The following LRRIQ4 variants were observed in gnomAD, a reference collection of about 807,000 sequenced individuals.
LRRIQ4 encodes leucine-rich repeat and IQ domain-containing protein 4.
In LRRIQ4, 21 loss-of-function variants were observed where a neutral mutation model predicts 40.1. The ratio of observed to expected loss-of-function variants is 0.52; its 90% CI spans 0.37 to 0.75. The LOEUF is 0.75. LRRIQ4 is among the 30% of genes least tolerant of loss of function. The pLI is 0.00. For missense variants in LRRIQ4, 655 were observed against 660.0 expected, an observed-to-expected ratio of 0.99 and a Z score of 0.08; for synonymous variants, 277 against 277.1, an observed-to-expected ratio of 1.00 and a Z score of 0.00.
At chr3:169,821,642 AAAAT>A (rs142263487) in intron 1 of LRRIQ4, among the ~76,000 whole-genome samples, 2,323 of 152,102 alleles carry the variant, frequency 0.015, 62 homozygotes, top group African/African-American at 0.053. Flanking sequence ...CTCCGTCTCA[AAAAT>A]AAATAAATAA....
intron 1 of LRRIQ4, among the ~76,000 whole-genome samples, chr3:169,821,015 C>T (rs1420770475): frequency 6.6e-6 from 1 of 152,200 alleles, no homozygotes; most frequent in Non-Finnish European, 1.5e-5. Flanking sequence ...CCCAGAAGTT[C>T]CTTTGCCTGT....
rs201862263 is a variant in LRRIQ4, at chr3:169,837,624, A to G, written c.1676A>G (p.Lys559Arg). 210 of 1,573,230 alleles carry G rather than the reference A, an allele frequency of 1.3e-4. No homozygotes were observed. In the African/African-American group the frequency reaches 2.2e-3, roughly 16 times the overall value. ...AAAGGAAAACCAGGAAAGGGAAAAA[A>G]GAAATAATCCTGTAAATTGATAAAT... ...DVKGKPGKGK[K>R]K The change falls in exon 6 of 6, where the codon AAG becomes AGG. Residue 559 changes from lysine (K) to arginine (R), a missense_variant. Lys to Arg is a conservative substitution (Grantham distance 26). Transcript: ENST00000340806.
At position 169,830,506 on chromosome 3, in the gene LRRIQ4, A is replaced by G; in HGVS notation, c.1209A>G (p.Leu403=). 6.2e-7 allele frequency: 1 copy of G among 1,600,624 alleles called. No homozygotes were observed. Among genetic ancestry groups the G allele is most frequent in the South Asian group, 1.1e-5 (1 of 89,154 alleles). ...HIRKLQSLKE[L]YIENNHLEYL... ...TGTTATTTCAGAGTCTCAAAGAGCT[A>G]TATATAGAGAACAATCATCTGGAGT... is the stretch of plus-strand genomic sequence containing the variant. Residue 403 remains leucine, a synonymous_variant, in exon 4 of 6, where the codon CTA becomes CTG. Coordinates refer to ENST00000340806, the MANE Select transcript of LRRIQ4 (RefSeq NM_001080460.3).
At position 169,822,626 on chromosome 3, in the gene LRRIQ4, A is replaced by G. The variant is rs201878743; in HGVS notation, c.705A>G (p.Gln235=). The part of the protein sequence containing the change: ...VLPASLCQCS[Q]LSVLDLSHNL... ...CCGCGTCCTTGTGCCAGTGTAGCCA[A>G]CTGTCGGTGCTCGATTTATCCCACA... Residue 235 remains glutamine (Q), a synonymous_variant, in exon 2 of 6, where the codon CAA becomes CAG. Transcript: ENST00000340806. 8 of 1,613,968 alleles carry G rather than the reference A, an allele frequency of 5.0e-6. No individual in the cohort carries two copies. Among genetic ancestry groups the G allele is most frequent in the East Asian group, 2.2e-5 (1 of 44,880 alleles).
intron 2 of LRRIQ4, among the ~76,000 whole-genome samples, chr3:169,824,662 G>A (rs1225095808): frequency 1.3e-5 from 2 of 151,920 alleles, no homozygotes; most frequent in East Asian, 1.9e-4. Context: ...ACAGGTGTGC[G>A]CCATCACACC....
In LRRIQ4 at chr3:169,831,440, ATTTTTTTTTTTTTTTTTTTTTTTTTTTT is replaced by A. The variant is rs750864248; in HGVS notation, c.1333+826_1333+853del. ...AGGCGCCCGCCACCACGCCCGGCTAATTTTTTTTTTTTTTTTTTTTTTTTTTTTTTTTTTTTTTTTTTTAGTAGAGACG... is the reference window on the plus strand; with the variant it reads ...AGGCGCCCGCCACCACGCCCGGCTAATTTTTTTTTTTTTTTAGTAGAGACG... On this transcript the variant is annotated intron_variant, in intron 4 of 5. Transcript: ENST00000340806. Among the ~76,000 whole-genome samples the A allele has an allele frequency of 1.8e-3, 54 of 29,432 alleles. 1 individual carries two copies. The Admixed American group carries it at 0.019, about 10-fold the overall frequency. 19.3% of individuals were successfully genotyped at this position (29,432 alleles called of 152,430 possible).
At position 169,821,509 on chromosome 3, in the gene LRRIQ4, C is replaced by T. The variant is rs559924286; in HGVS notation, c.-31-382C>T. Among the ~76,000 whole-genome samples the T allele has an allele frequency of 2.6e-4, 39 of 152,126 alleles. No homozygotes were observed. In the South Asian group the frequency reaches 8.1e-3, roughly 32 times the overall value. On this transcript the variant is annotated intron_variant, in intron 1 of 5. Coordinates refer to ENST00000340806, the MANE Select transcript of LRRIQ4 (RefSeq NM_001080460.3). The stretch of plus-strand genomic sequence containing the variant: ...ATTTAGCTGGGCATGGTGGTGGGTG[C>T]CTGTAATCCCAGCTACTCGGGAGGC...
chr3:169,814,720 A>G (rs958478110), intron 1 of LRRIQ4, among the ~76,000 whole-genome samples: 2 of 152,126 alleles, frequency 1.3e-5, no homozygotes, highest in South Asian at 4.1e-4. Context: ...CCTGACCTCA[A>G]GTGATCTACC....
chr3:169,830,765 G>A, intron 4 of LRRIQ4, 135 bp downstream of exon 4: 12 of 1,097,702 alleles, frequency 1.1e-5, no homozygotes, highest in Non-Finnish European at 1.5e-5. Context: ...TTCCTTGCAG[G>A]GCTCACTTAG....
intron 4 of LRRIQ4, 115 bp downstream of exon 4, chr3:169,830,745 A>C: frequency 7.8e-7 from 1 of 1,276,316 alleles, no homozygotes. Flanking sequence ...AACTGAGTCT[A>C]TCCCATTACT....
intron 5 of LRRIQ4, among the ~76,000 whole-genome samples, chr3:169,834,582 C>G (rs959037396): frequency 6.6e-6 from 1 of 152,106 alleles, no homozygotes; most frequent in African/African-American, 2.4e-5. Context: ...TAAAATAGAG[C>G]TGTTAGATCA....
intron 2 of LRRIQ4, among the ~76,000 whole-genome samples, chr3:169,825,133 G>A (rs550803033): frequency 2.7e-5 from 4 of 150,504 alleles, no homozygotes; most frequent in Non-Finnish European, 4.4e-5. Flanking sequence ...TCAGCCTCCC[G>A]AGTAGCTGGG....
chr3:169,817,405 T>C (rs1377431671), intron 1 of LRRIQ4, among the ~76,000 whole-genome samples: 1 of 152,266 alleles, frequency 6.6e-6, no homozygotes, highest in Non-Finnish European at 1.5e-5. Context: ...ATGTGTATTC[T>C]GCAGCTGTTG....
intron 4 of LRRIQ4, among the ~76,000 whole-genome samples, chr3:169,832,016 G>T (rs1004973835): frequency 7.9e-5 from 12 of 151,738 alleles, no homozygotes; most frequent in Non-Finnish European, 1.3e-4. Flanking sequence ...ATGGAGACAA[G>T]GGGTTGTATG....
chr3:169,832,447 G>A (rs1210493053), intron 4 of LRRIQ4, among the ~76,000 whole-genome samples: 2 of 148,762 alleles, frequency 1.3e-5, no homozygotes, highest in Admixed American at 6.7e-5. Context: ...CAGCCTCGGT[G>A]ACAGAGCTAG....
chr3:169,837,591 A>G lies in LRRIQ4; in HGVS notation c.1643A>G (p.Lys548Arg). ...KTSPKDKKGK[K>R]DVKGKPGKGK... ...TCTCCAAAAGATAAGAAAGGAAAGA[A>G]GGATGTAAAAGGAAAACCAGGAAAG... The change falls in exon 6 of 6, where the codon AAG becomes AGG. Residue 548 changes from lysine (K) to arginine (R), a missense_variant. Transcript: ENST00000340806. 2 of 1,590,364 alleles carry G rather than the reference A, an allele frequency of 1.3e-6. No homozygotes were observed. The highest frequency in any genetic ancestry group is 1.7e-6 in the Non-Finnish European group (2 of 1,169,592).
At chr3:169,815,866 A>C (rs925656045) in intron 1 of LRRIQ4, among the ~76,000 whole-genome samples, 3 of 152,216 alleles carry the variant, frequency 2.0e-5, no homozygotes, top group African/African-American at 7.2e-5. Flanking sequence ...GAATTTTATC[A>C]CATGCTTTTT....
intron 2 of LRRIQ4, among the ~76,000 whole-genome samples, chr3:169,825,096 C>T (rs1450088234): frequency 4.0e-5 from 6 of 151,708 alleles, no homozygotes; most frequent in African/African-American, 1.5e-4. Context: ...CAACCTCCAC[C>T]TCCCAGGTTC....
At chr3:169,821,240 T>C (rs566943107) in intron 1 of LRRIQ4, among the ~76,000 whole-genome samples, 2 of 152,338 alleles carry the variant, frequency 1.3e-5, no homozygotes, top group East Asian at 3.9e-4. Flanking sequence ...TTTTAAAAGA[T>C]GAGGTTTTTC....
Sources: allele counts gnomAD v4.1 joint callset (sites outside exome capture counted in the v4.1 genomes callset), GRCh38; gene constraint gnomAD v4.1.1; transcripts MANE v1.5; gene names NCBI Gene and HGNC (gene_info 2026-07-23, HGNC 2026-07-21).